ZNF277: variants seen among roughly 807,000 people sequenced by gnomAD.
ZNF277 encodes the protein nuclear receptor-interacting factor 4.
ZNF277 carries 55 observed loss-of-function variants against 60.7 expected under a neutral mutation model. The observed-to-expected ratio is 0.91, with a 90% CI of 0.73 to 1.13. The LOEUF is 1.13. ZNF277 is among the 50% of genes most tolerant of loss of function. ZNF277 has a pLI of 0.00. For synonymous variants in ZNF277, 178 were observed against 179.3 expected (o/e 0.99, Z 0.06); for missense variants, 510 against 523.0 (o/e 0.98, Z 0.24).
intron 1 of ZNF277, among the ~76,000 whole-genome samples, chr7:112,268,631 C>T (rs74597110): frequency 0.043 from 6,577 of 152,042 alleles, 341 homozygotes; most frequent in African/African-American, 0.13. Context: ...AACTTTTTTG[C>T]ATATTTAAAA....
At chr7:112,259,855 A>G (rs1270128691) in intron 1 of ZNF277, among the ~76,000 whole-genome samples, 1 of 152,198 alleles carries the variant, frequency 6.6e-6, no homozygotes, top group East Asian at 1.9e-4. Flanking sequence ...CAGGTACCAT[A>G]TCAACAGATA....
intron 4 of ZNF277, among the ~76,000 whole-genome samples, chr7:112,308,807 T>C (rs1057248217): frequency 6.6e-6 from 1 of 152,132 alleles, no homozygotes; most frequent in African/African-American, 2.4e-5. Flanking sequence ...GTATTTAGTA[T>C]GTTTTACTTG....
intron 4 of ZNF277, 66 bp downstream of exon 4, chr7:112,296,377 T>C (rs548172974): frequency 5.6e-5 from 44 of 791,680 alleles, no homozygotes; most frequent in African/African-American, 1.4e-4. Context: ...TAAAATCATA[T>C]TGGTTTTTTT....
At chr7:112,317,137 C>G (rs1353277685) in intron 4 of ZNF277, among the ~76,000 whole-genome samples, 1 of 151,898 alleles carries the variant, frequency 6.6e-6, no homozygotes, top group African/African-American at 2.4e-5. Context: ...ACATCATACA[C>G]CAAGGCCTAT....
At position 112,330,181 on chromosome 7, in the gene ZNF277, A is replaced by C; in HGVS notation, c.766A>C (p.Arg256=). The change falls in exon 7 of 12, where the codon AGA becomes CGA. Residue 256 remains arginine, a synonymous_variant. Transcript: ENST00000361822. ...KQHRKINPKN[R]EYDRFYVINY... ...GCATCGTAAGATTAATCCTAAGAACAGAGAATATGACAGATTTTATGTCAT... is the reference window on the plus strand; with the variant it reads ...GCATCGTAAGATTAATCCTAAGAACCGAGAATATGACAGATTTTATGTCAT... 6.2e-7 allele frequency: 1 copy of C among 1,613,114 alleles called. No individual in the cohort carries two copies.
At chr7:112,299,204 C>G (rs768160666) in intron 4 of ZNF277, among the ~76,000 whole-genome samples, 22 of 152,144 alleles carry the variant, frequency 1.4e-4, no homozygotes, top group Non-Finnish European at 3.1e-4. Context: ...GGTGATTCTT[C>G]TGTGGGCGTT....
intron 1 of ZNF277, among the ~76,000 whole-genome samples, chr7:112,263,338 A>G (rs1276349247): frequency 6.6e-6 from 1 of 152,206 alleles, no homozygotes; most frequent in Non-Finnish European, 1.5e-5. Context: ...TGATTCAGAA[A>G]TGTGGTAATG....
intron 4 of ZNF277, among the ~76,000 whole-genome samples, chr7:112,304,003 T>G (rs1363228552): frequency 6.6e-6 from 1 of 152,124 alleles, no homozygotes; most frequent in African/African-American, 2.4e-5. Flanking sequence ...CTCATGGATT[T>G]GGGGGTGTAT....
At chr7:112,220,710 G>A (rs1822004472) in intron 1 of ZNF277, among the ~76,000 whole-genome samples, 1 of 152,198 alleles carries the variant, frequency 6.6e-6, no homozygotes, top group Non-Finnish European at 1.5e-5. Flanking sequence ...AGCTGGGAAG[G>A]TGACCACATC....
intron 4 of ZNF277, among the ~76,000 whole-genome samples, chr7:112,307,798 A>G (rs1329241579): frequency 6.6e-6 from 1 of 151,884 alleles, no homozygotes; most frequent in African/African-American, 2.4e-5. Flanking sequence ...TTAGTGGTTA[A>G]GTGCTACTTT....
intron 1 of ZNF277, among the ~76,000 whole-genome samples, chr7:112,218,083 A>G (rs562756429): frequency 6.6e-6 from 1 of 152,366 alleles, no homozygotes; most frequent in African/African-American, 2.4e-5. Flanking sequence ...ATAAAACTCC[A>G]GTCTCCTGTA....
chr7:112,320,301 T>C (rs114979307), intron 5 of ZNF277, among the ~76,000 whole-genome samples: 1,910 of 152,240 alleles, frequency 0.013, 50 homozygotes, highest in African/African-American at 0.043. Context: ...CTTATGCCAT[T>C]GTTCTGTAGT....
intron 1 of ZNF277, among the ~76,000 whole-genome samples, chr7:112,242,778 A>G (rs1235736934): frequency 6.6e-6 from 1 of 152,032 alleles, no homozygotes; most frequent in African/African-American, 2.4e-5. Flanking sequence ...AATTCCTATC[A>G]AAATATCAAT....
chr7:112,337,803 G>T lies in ZNF277; in HGVS notation c.943G>T (p.Glu315Ter), dbSNP rs746194176. ...LFCEKQAETIEKLYVHMEDAH... is the reference protein window; with the variant it reads ...LFCEKQAETI ...TTGTGAAAAGCAAGCAGAAACAATT[G>T]AGAAGTTGTATGTCCACATGGAGGT... Residue 315 changes from glutamate to a stop codon, truncating the protein, a stop_gained, in exon 9 of 12, where the codon GAG (glutamate) becomes TAG (stop). Transcript: ENST00000361822. LOFTEE classifies it high-confidence loss of function. The T allele has an allele frequency of 1.4e-5, 23 of 1,611,718 alleles. No individual in the cohort carries two copies. In the East Asian group the frequency reaches 5.1e-4, roughly 36 times the overall value.
chr7:112,333,073 C>T (rs1027888575), intron 7 of ZNF277, among the ~76,000 whole-genome samples: 5 of 150,602 alleles, frequency 3.3e-5, no homozygotes, highest in South Asian at 2.1e-4. Context: ...TAATATTTAA[C>T]GTGAAGAACA....
At chr7:112,223,211 C>T (rs1426725443) in intron 1 of ZNF277, among the ~76,000 whole-genome samples, 1 of 152,190 alleles carries the variant, frequency 6.6e-6, no homozygotes, top group African/African-American at 2.4e-5. Context: ...TACTGTCATT[C>T]CACAGCTGAT....
chr7:112,272,724 C>G (rs542769693), intron 1 of ZNF277, among the ~76,000 whole-genome samples: 1 of 152,236 alleles, frequency 6.6e-6, no homozygotes, highest in African/African-American at 2.4e-5. Context: ...AAACTCCTGA[C>G]CTCAAGTGAT....
At chr7:112,281,628 T>C (rs1339245979) in intron 1 of ZNF277, among the ~76,000 whole-genome samples, 1 of 152,194 alleles carries the variant, frequency 6.6e-6, no homozygotes, top group East Asian at 1.9e-4. Context: ...GTAAATATAG[T>C]TGGACTACGC....
chr7:112,320,861 C>A (rs1792962865), intron 5 of ZNF277, among the ~76,000 whole-genome samples: 1 of 140,830 alleles, frequency 7.1e-6, no homozygotes, highest in South Asian at 2.4e-4. Context: ...TTGTTGCCTT[C>A]TTTTGTGTTG....
Sources: allele counts gnomAD v4.1 joint callset (sites outside exome capture counted in the v4.1 genomes callset), GRCh38; gene constraint gnomAD v4.1.1; transcripts MANE v1.5; gene names NCBI Gene and HGNC (gene_info 2026-07-23, HGNC 2026-07-21).